The following ABR variants were observed in gnomAD, a reference collection of about 807,000 sequenced individuals.
ABR encodes active breakpoint cluster region-related protein.
ABR carries 35 observed loss-of-function variants against 107.2 expected under a neutral mutation model. The ratio of observed to expected loss-of-function variants is 0.33; its 90% CI spans 0.25 to 0.43. The LOEUF is 0.43. Among genes scored for constraint, ABR ranks in the 20% least tolerant of loss-of-function variants. ABR has a pLI of 1.00. For synonymous variants in ABR, 498 were observed against 462.0 expected, an observed-to-expected ratio of 1.08 and a Z score of -1.00; for missense variants, 815 against 1,115.2, an observed-to-expected ratio of 0.73 and a Z score of 3.83.
chr17:1,010,913 C>T lies in ABR; in HGVS notation c.2102-50G>A, dbSNP rs368434568. On this transcript the variant is annotated intron_variant, in intron 19 of 22. Transcript: ENST00000302538. The surrounding 1 kb of genome is among the most constrained non-coding windows in gnomAD (Gnocchi z 4.1). ...GCAGCCTTAGCTGGGCCAGCAGCCC[C>T]GTTCCACCCCCGACCCATCCTGACA... 70 of 1,606,506 alleles carry T rather than the reference C, an allele frequency of 4.4e-5. No homozygotes were observed. The highest frequency in any genetic ancestry group is 6.7e-5 in the East Asian group (3 of 44,848).
intron 1 of ABR, among the ~76,000 whole-genome samples, chr17:1,135,377 C>CTT (rs71148437): frequency 7.8e-5 from 4 of 51,374 alleles, no homozygotes; most frequent in Admixed American, 2.3e-4. Context: ...TTCTTTTTGT[C>CTT]TTTTTTTTTT....
At chr17:1,031,903 T>TC in intron 16 of ABR, 53 of 499,376 alleles carry the variant, frequency 1.1e-4, no homozygotes, top group Admixed American at 7.0e-4. Context: ...TCCGTCCGCG[T>TC]CCCTCCTCCC....
In ABR at chr17:1,078,104, G is replaced by GGTGTGTGTGTGTGTGTGTGTGTGT. The variant is rs34146750; in HGVS notation, c.700+1202_700+1225dup. On this transcript the variant is annotated intron_variant, in intron 6 of 22. Transcript: ENST00000302538. The surrounding 1 kb of genome is among the most constrained non-coding windows in gnomAD (Gnocchi z 7.5). The stretch of plus-strand genomic sequence containing the variant: ...GTCCGGGTCCCTTCCACCGAAAGGT[G>GGTGTGTGTGTGTGTGTGTGTGTGT]GTGTGTGTGTGTGTGTGTGTGTGTG... Among the ~76,000 whole-genome samples, 6 of 148,482 alleles carry GGTGTGTGTGTGTGTGTGTGTGTGT rather than the reference G, an allele frequency of 4.0e-5. No individual in the cohort carries two copies. In the East Asian group the frequency reaches 1.0e-3, roughly 25 times the overall value.
intron 16 of ABR, among the ~76,000 whole-genome samples, chr17:1,015,607 C>G (rs2071089544): frequency 6.6e-6 from 1 of 151,854 alleles, no homozygotes; most frequent in African/African-American, 2.4e-5. Flanking sequence ...CAGACACACA[C>G]AACCACACCC....
chr17:1,124,974 C>T (rs986934877), intron 2 of ABR, among the ~76,000 whole-genome samples: 3 of 151,890 alleles, frequency 2.0e-5, no homozygotes, highest in Admixed American at 6.6e-5. Context: ...GAGACAGGGG[C>T]GGCAGCGTTG....
intron 1 of ABR, among the ~76,000 whole-genome samples, chr17:1,215,205 G>A (rs1409882206): frequency 2.3e-5 from 3 of 130,696 alleles, no homozygotes; most frequent in Non-Finnish European, 4.8e-5. Flanking sequence ...GGGTGACAGA[G>A]CAAGACTCTG....
intron 16 of ABR, among the ~76,000 whole-genome samples, chr17:1,023,262 G>C (rs537317821): frequency 6.6e-6 from 1 of 152,366 alleles, no homozygotes; most frequent in South Asian, 2.1e-4. Context: ...GGCTGGGCAT[G>C]GCTGACCTTG....
At chr17:1,204,063 C>T (rs1305440629) in intron 1 of ABR, among the ~76,000 whole-genome samples, 1 of 152,260 alleles carries the variant, frequency 6.6e-6, no homozygotes, top group East Asian at 1.9e-4. Context: ...CCCGGCCTCT[C>T]CCTCATCTCG....
At chr17:1,207,241 G>A (rs2042805939) in intron 1 of ABR, among the ~76,000 whole-genome samples, 1 of 76,450 alleles carries the variant, frequency 1.3e-5, no homozygotes, top group Non-Finnish European at 3.0e-5. Flanking sequence ...GCAACAGTGA[G>A]ACGTGTCTCA....
At chr17:1,138,039 T>C (rs965006765) in intron 1 of ABR, among the ~76,000 whole-genome samples, 1 of 151,702 alleles carries the variant, frequency 6.6e-6, no homozygotes, top group Non-Finnish European at 1.5e-5. Context: ...TAGCTGGGAT[T>C]ACAGGTGCCC....
intron 5 of ABR, among the ~76,000 whole-genome samples, chr17:1,080,338 G>C (rs1446527229): frequency 2.6e-5 from 4 of 152,178 alleles, no homozygotes; most frequent in African/African-American, 7.2e-5. Flanking sequence ...CAGGTAGTGA[G>C]TACTGGAAAG....
chr17:1,077,676 G>A (rs1024025119), intron 6 of ABR, among the ~76,000 whole-genome samples: 4 of 152,118 alleles, frequency 2.6e-5, no homozygotes, highest in African/African-American at 7.2e-5. Context: ...TCTCTCTTCC[G>A]GCAAGCCACC....
chr17:1,069,790 C>T (rs971899337), intron 9 of ABR, among the ~76,000 whole-genome samples, 179 bp downstream of exon 9: 3 of 128,572 alleles, frequency 2.3e-5, no homozygotes, highest in Admixed American at 7.7e-5. Flanking sequence ...GGACCCCCTC[C>T]CCCGCCCCTG....
intron 1 of ABR, among the ~76,000 whole-genome samples, chr17:1,203,785 G>C (rs1383344420): frequency 6.6e-6 from 1 of 152,270 alleles, no homozygotes; most frequent in Non-Finnish European, 1.5e-5. Flanking sequence ...CGGGGCGAAG[G>C]GGGCTCGGGC....
At chr17:1,208,051 C>T (rs546830835) in intron 1 of ABR, among the ~76,000 whole-genome samples, 11 of 152,022 alleles carry the variant, frequency 7.2e-5, no homozygotes, top group African/African-American at 2.2e-4. Flanking sequence ...GATTACAGGC[C>T]GGAGCCACCG....
intron 1 of ABR, among the ~76,000 whole-genome samples, chr17:1,176,876 A>C (rs544940001): frequency 2.0e-5 from 3 of 150,756 alleles, no homozygotes; most frequent in South Asian, 2.1e-4. Context: ...AAACAAAAAA[A>C]AAAAAGAAAA....
chr17:1,083,255 G>C (rs1266508222), intron 5 of ABR: 6 of 190,764 alleles, frequency 3.1e-5, no homozygotes, highest in African/African-American at 1.3e-4. Context: ...GGAGAACACT[G>C]CCTTGGATTT....
At chr17:1,202,995 T>G (rs2042698984) in intron 1 of ABR, among the ~76,000 whole-genome samples, 1 of 151,586 alleles carries the variant, frequency 6.6e-6, no homozygotes, top group South Asian at 2.1e-4. Flanking sequence ...CAAGCAATTC[T>G]CCTGCCTCAG....
In ABR at chr17:1,144,027, T is replaced by G. The variant is rs148592355; in HGVS notation, c.62-18660A>C. On this transcript the variant is annotated intron_variant, in intron 1 of 22. Coordinates refer to ENST00000302538, the MANE Select transcript of ABR (RefSeq NM_021962.5). ...TTTGACACGGGGGAAAACTGAGGCT[T>G]CTGAGTCTCATCCAAGGCCACCTGG... 3.9e-5 allele frequency among the ~76,000 whole-genome samples: 6 copies of G among 152,168 alleles called. No homozygotes were observed. In the East Asian group the frequency reaches 1.2e-3, roughly 29 times the overall value.
Sources: gnomAD v4.1 joint callset for allele counts (sites outside exome capture counted in the v4.1 genomes callset) on GRCh38, gnomAD v4.1.1 for gene constraint, Gnocchi (gnomAD v3.1) non-coding constraint, MANE v1.5 for transcripts, NCBI Gene and HGNC (gene_info 2026-07-23, HGNC 2026-07-21) for gene names.